TMED2: variants seen among roughly 807,000 people sequenced by gnomAD.
TMED2 encodes the protein transmembrane emp24 domain-containing protein 2.
Under a neutral mutation model 17.5 loss-of-function variants are expected in TMED2, and 3 were observed. The ratio of observed to expected loss-of-function variants is 0.17; its 90% CI spans 0.08 to 0.44. TMED2 has a LOEUF of 0.44. Among genes scored for constraint, TMED2 ranks in the 20% least tolerant of loss-of-function variants. The pLI, the probability that TMED2 is intolerant of heterozygous loss-of-function variation, is 0.99. For synonymous variants in TMED2, 95 were observed against 91.0 expected (o/e 1.04, Z -0.25); for missense variants, 149 against 254.8 (o/e 0.58, Z 2.83).
chr12:123,591,051 T>G (rs1370733101), intron 3 of TMED2, among the ~76,000 whole-genome samples: 1 of 151,264 alleles, frequency 6.6e-6, no homozygotes, highest in Non-Finnish European at 1.5e-5. Flanking sequence ...AGCTAATTGT[T>G]TTCTTAAATC....
intron 1 of TMED2, 117 bp from the exon 2 acceptor site, chr12:123,586,630 G>C (rs1953348072): frequency 7.3e-6 from 8 of 1,097,274 alleles, no homozygotes; most frequent in Non-Finnish European, 1.0e-5. Flanking sequence ...GATTACAGGC[G>C]TGAGCCACCA....
chr12:123,593,259 TTG>T (rs201522992), intron 3 of TMED2, among the ~76,000 whole-genome samples: 3 of 146,758 alleles, frequency 2.0e-5, no homozygotes, highest in African/African-American at 7.7e-5. Flanking sequence ...CTGGTTTTTG[TTG>T]TTTTTTTTTT....
intron 1 of TMED2, 111 bp downstream of exon 1, chr12:123,584,927 C>A: frequency 7.2e-7 from 1 of 1,386,632 alleles, no homozygotes; most frequent in Non-Finnish European, 9.7e-7. Flanking sequence ...AAGTCGCTGT[C>A]CGAGTCCTGG....
rs749412946 is a variant in TMED2, at chr12:123,584,833, C to G, written c.180+17C>G. 1 of 1,605,248 alleles carries G rather than the reference C, an allele frequency of 6.2e-7. No homozygotes were observed. The highest frequency in any genetic ancestry group is 8.5e-7 in the Non-Finnish European group (1 of 1,179,544). ...GACGTGGAGGTGCGGGCTAGCTGCC[C>G]GCAGCTGAGGCTTGGTCGCGTGGCC... is the stretch of plus-strand genomic sequence containing the variant. On this transcript the variant is annotated intron_variant, in intron 1 of 3. Coordinates refer to ENST00000262225, the MANE Select transcript of TMED2 (RefSeq NM_006815.4).
Position 123,596,873 on chromosome 12 carries a change from G to GA in TMED2, c.*149dup, listed in dbSNP as rs1953434681. Reference sequence around the variant, plus strand: ...TCTTTGAGATTAATAGATATTGGGGGAAAAACGCCTTTTTAGGAAAATTAT... The same window carrying GA: ...TCTTTGAGATTAATAGATATTGGGGGAAAAAACGCCTTTTTAGGAAAATTAT... On this transcript the variant is annotated 3_prime_UTR_variant, in exon 4 of 4. Coordinates refer to ENST00000262225, the MANE Select transcript of TMED2 (RefSeq NM_006815.4). 3 of 1,059,570 alleles carry GA rather than the reference G, an allele frequency of 2.8e-6. No individual in the cohort carries two copies. Among genetic ancestry groups the GA allele is most frequent in the Admixed American group, 3.6e-5 (1 of 28,000 alleles). The allele number at this position is 1,059,570 out of a possible 1,614,324, so 65.6% of individuals were successfully genotyped here.
chr12:123,587,012 T>C, intron 2 of TMED2, 73 bp downstream of exon 2: 2 of 1,320,964 alleles, frequency 1.5e-6, no homozygotes, highest in Non-Finnish European at 2.0e-6. Context: ...TTTACCTGTC[T>C]GAGTGGAGTA....
chr12:123,585,003 C>A, intron 1 of TMED2, 187 bp downstream of exon 1: 1 of 687,754 alleles, frequency 1.5e-6, no homozygotes, highest in Non-Finnish European at 2.4e-6. Flanking sequence ...CCCCTTTTCC[C>A]GCGACTTGCC....
chr12:123,589,221 C>G (rs1953372701), intron 2 of TMED2, among the ~76,000 whole-genome samples: 1 of 152,222 alleles, frequency 6.6e-6, no homozygotes, highest in Admixed American at 6.5e-5. Context: ...CTTACATTGC[C>G]TGCTGTTCCC....
rs33927197 is a variant in TMED2, at chr12:123,597,847, CTTTTTT to C, written c.*1129_*1134del. ...GACTGATACATATTAGTTACTTGTGCTTTTTTTTTTTTTTTTGGATCTTTGCAAGGG... is the reference window on the plus strand; with the variant it reads ...GACTGATACATATTAGTTACTTGTGCTTTTTTTTTTGGATCTTTGCAAGGG... On this transcript the variant is annotated 3_prime_UTR_variant, in exon 4 of 4. Transcript: ENST00000262225. 2 of 138,442 alleles carry C rather than the reference CTTTTTT, an allele frequency of 1.4e-5. No homozygotes were observed. The highest frequency in any genetic ancestry group is 5.4e-5 in the African/African-American group (2 of 37,360). 8.6% of individuals were successfully genotyped at this position (138,442 alleles called of 1,614,324 possible).
intron 3 of TMED2, among the ~76,000 whole-genome samples, chr12:123,590,861 A>G (rs1206302372): frequency 1.3e-5 from 2 of 151,590 alleles, no homozygotes; most frequent in Non-Finnish European, 2.9e-5. Flanking sequence ...GCGTGCACCT[A>G]TAGTCCCAGC....
chr12:123,593,990 G>A (rs1048333273), intron 3 of TMED2, among the ~76,000 whole-genome samples: 3 of 145,990 alleles, frequency 2.1e-5, no homozygotes, highest in African/African-American at 7.7e-5. Context: ...TGGTATTGTA[G>A]AGACTGGGTT....
chr12:123,593,445 A>T (rs1276242303), intron 3 of TMED2, among the ~76,000 whole-genome samples: 1 of 152,156 alleles, frequency 6.6e-6, no homozygotes, highest in Admixed American at 6.5e-5. Context: ...CATTTTGGAT[A>T]ACTGTGATTT....
In TMED2 at chr12:123,584,792, C is replaced by T; in HGVS notation, c.156C>T (p.Gly52=). Residue 52 remains glycine, a synonymous_variant, in exon 1 of 4, where the codon GGC becomes GGT. Transcript: ENST00000262225. The part of the protein sequence containing the change: ...KMGLIFEVAE[G]GFLDIDVEIT... ...GCCTCATCTTCGAGGTGGCGGAGGGCGGCTTCCTGGACATCGACGTGGAGG... is the reference window on the plus strand; with the variant it reads ...GCCTCATCTTCGAGGTGGCGGAGGGTGGCTTCCTGGACATCGACGTGGAGG... 1 of 1,611,774 alleles carries T rather than the reference C, an allele frequency of 6.2e-7. No individual in the cohort carries two copies. The highest frequency in any genetic ancestry group is 8.5e-7 in the Non-Finnish European group (1 of 1,179,848).
chr12:123,596,265 A>C (rs980690991), intron 3 of TMED2, among the ~76,000 whole-genome samples: 2 of 152,234 alleles, frequency 1.3e-5, no homozygotes, highest in African/African-American at 2.4e-5. Flanking sequence ...TTTAACGTGT[A>C]TGAGATACAC....
In TMED2 at chr12:123,585,241, C is replaced by T. The variant is rs1886318980; in HGVS notation, c.180+425C>T. The T allele has an allele frequency of 2.5e-5, 4 of 161,876 alleles. No individual in the cohort carries two copies. The South Asian group carries it at 4.9e-4, about 20-fold the overall frequency. The allele number at this position is 161,876 out of a possible 1,614,324, so 10.0% of individuals were successfully genotyped here. A position where few individuals can be genotyped will look rare whatever the true frequency, so the allele number is the denominator to read the frequency against. ...TACGGATTAATGCTGGAACGTGGCACGGAAACTTTTCCAAAAAATTGATTA... is the reference window on the plus strand; with the variant it reads ...TACGGATTAATGCTGGAACGTGGCATGGAAACTTTTCCAAAAAATTGATTA... On this transcript the variant is annotated intron_variant, in intron 1 of 3. Transcript: ENST00000262225.
At chr12:123,587,235 C>T (rs779103596) in intron 2 of TMED2, among the ~76,000 whole-genome samples, 1 of 152,096 alleles carries the variant, frequency 6.6e-6, no homozygotes, top group Non-Finnish European at 1.5e-5. Flanking sequence ...CAATCTCCGC[C>T]TCCTGGGTTC....
chr12:123,587,891 A>G (rs556362051), intron 2 of TMED2, among the ~76,000 whole-genome samples: 1 of 152,334 alleles, frequency 6.6e-6, no homozygotes, highest in South Asian at 2.1e-4. Context: ...GTTCTTTAAG[A>G]TGAATGCTAA....
chr12:123,596,514 T>C, intron 3 of TMED2, 91 bp from the exon 4 acceptor site: 2 of 1,487,396 alleles, frequency 1.3e-6, no homozygotes, highest in Non-Finnish European at 1.8e-6. Flanking sequence ...AATATTACTT[T>C]CACACAGAGT....
chr12:123,584,581 G>C lies in TMED2; in HGVS notation c.-56G>C. Reference sequence around the variant, plus strand: ...AGGCAGCGGGGCGGCGGCGGCGGCGGCGGCGGCGGCTGTGGAGGCCGCAGT... The same window carrying C: ...AGGCAGCGGGGCGGCGGCGGCGGCGCCGGCGGCGGCTGTGGAGGCCGCAGT... On this transcript the variant is annotated 5_prime_UTR_variant, in exon 1 of 4. Transcript: ENST00000262225. The C allele has an allele frequency of 1.3e-6, 2 of 1,565,564 alleles. No individual in the cohort carries two copies. The highest frequency in any genetic ancestry group is 1.1e-5 in the South Asian group (1 of 88,320).
Sources: gnomAD v4.1 joint callset for allele counts (sites outside exome capture counted in the v4.1 genomes callset) on GRCh38, gnomAD v4.1.1 for gene constraint, MANE v1.5 for transcripts, NCBI Gene and HGNC (gene_info 2026-07-23, HGNC 2026-07-21) for gene names.